Variants in ELFN1 observed in about 807,000 individuals in gnomAD.
The protein encoded by ELFN1 is protein ELFN1.
ELFN1 carries 6 observed loss-of-function variants against 7.6 expected under a neutral mutation model. The ratio of observed to expected loss-of-function variants is 0.79; its 90% CI spans 0.43 to 1.56. The LOEUF (loss-of-function observed/expected upper bound fraction) is 1.56, where lower values mean the gene tolerates loss of function less well. Ranked by LOEUF, ELFN1 falls within the 40% of genes most tolerant of loss-of-function variation. The pLI, the probability that ELFN1 is intolerant of heterozygous loss-of-function variation, is 0.01. For synonymous variants in ELFN1, 657 were observed against 588.1 expected, an observed-to-expected ratio of 1.12 and a Z score of -1.70; for missense variants, 1,169 against 1,232.2, an observed-to-expected ratio of 0.95 and a Z score of 0.77.
intron 1 of ELFN1, among the ~76,000 whole-genome samples, chr7:1,678,274 G>A (rs1778909742): frequency 6.6e-6 from 1 of 152,170 alleles, no homozygotes; most frequent in African/African-American, 2.4e-5. Context: ...AGTGCAGCCT[G>A]TGCCAACATG....
At chr7:1,718,776 G>A (rs1007222182) in intron 3 of ELFN1, among the ~76,000 whole-genome samples, 2 of 152,098 alleles carry the variant, frequency 1.3e-5, no homozygotes, top group Non-Finnish European at 2.9e-5. Context: ...CTCCCTGGCC[G>A]TGTTGGTTCA....
intron 1 of ELFN1, among the ~76,000 whole-genome samples, chr7:1,684,618 T>G (rs2128577824): frequency 6.6e-6 from 1 of 152,336 alleles, no homozygotes; most frequent in Admixed American, 6.5e-5. Context: ...TTTAAACTAA[T>G]TTTTAGAGTT....
chr7:1,689,885 A>G (rs1424845826), intron 2 of ELFN1, among the ~76,000 whole-genome samples: 1 of 152,164 alleles, frequency 6.6e-6, no homozygotes, highest in Non-Finnish European at 1.5e-5. Flanking sequence ...CTCTTCCCCA[A>G]GCAGTCAGGG....
chr7:1,706,079 C>G (rs1291664912), intron 2 of ELFN1, among the ~76,000 whole-genome samples: 1 of 152,204 alleles, frequency 6.6e-6, no homozygotes. Flanking sequence ...CTGGGTTCCT[C>G]CTCCGATCCA....
intron 3 of ELFN1, among the ~76,000 whole-genome samples, chr7:1,710,419 C>A (rs1779624989): frequency 6.6e-6 from 1 of 152,230 alleles, no homozygotes; most frequent in Non-Finnish European, 1.5e-5. Context: ...TCCCAAAGGA[C>A]CTCATTTCCC....
Position 1,746,056 on chromosome 7 carries a change from C to T in ELFN1, c.1460C>T (p.Pro487Leu), listed in dbSNP as rs556316889. The T allele has an allele frequency of 2.3e-4, 359 of 1,546,806 alleles. 2 individuals are homozygous for T. The South Asian group carries it at 3.0e-3, about 13-fold the overall frequency. ...GGCCTGGCCCCGCTGTCCCAGGGCC[C>T]GCTGCTGGGCCCCGAGGCCGTGACG... ...APGLAPLSQG[P>L]LLGPEAVTRI... The change falls in exon 4 of 4, where the codon CCG becomes CTG. Residue 487 changes from proline to leucine, a missense_variant. Physicochemically the swap from Pro to Leu is moderately conservative, Grantham distance 98. Around this residue, in one of 2 missense-constraint regions of ELFN1, gnomAD observed 914 missense variants for 872.6 expected, o/e 1.05. Coordinates refer to ENST00000424383, the MANE Select transcript of ELFN1 (RefSeq NM_001128636.4).
upstream of ELFN1, among the ~76,000 whole-genome samples, chr7:1,667,231 CG>C (rs931523653): frequency 1.1e-4 from 16 of 151,976 alleles, no homozygotes; most frequent in African/African-American, 3.6e-4. The surrounding 1 kb of genome is among the most constrained non-coding windows in gnomAD (Gnocchi z 8.2). Context: ...CCGAGTCCTC[CG>C]CCGCGGGCTG....
intron 1 of ELFN1, among the ~76,000 whole-genome samples, chr7:1,672,726 C>T (rs2128572991): frequency 6.6e-6 from 1 of 152,152 alleles, no homozygotes; most frequent in African/African-American, 2.4e-5. Flanking sequence ...ACCCCAGGAT[C>T]CCTTCCCCCC....
chr7:1,741,786 T>C (rs4720987), intron 3 of ELFN1, among the ~76,000 whole-genome samples: 149,889 of 152,238 alleles, frequency 0.98, 73,793 homozygotes, highest in East Asian at 1. Context: ...CGAGCTGCAC[T>C]ACCGAGGTGC....
In ELFN1 at chr7:1,735,086, C is replaced by G. The variant is rs1010867457; in HGVS notation, c.-293-9218C>G. Among the ~76,000 whole-genome samples, 1 of 152,154 alleles carries G rather than the reference C, an allele frequency of 6.6e-6. No homozygotes were observed. The highest frequency in any genetic ancestry group is 1.5e-5 in the Non-Finnish European group (1 of 68,016). On this transcript the variant is annotated intron_variant, in intron 3 of 3. Transcript: ENST00000424383. This position sits in a 1 kb window ranked among gnomAD's most constrained non-coding sequence, Gnocchi z 5.9. ...AGTCTCAACTTCCTGGCTAGACTTT[C>G]CCATGCTGAGCCTCTGTTTCCCCAT...
At chr7:1,737,779 G>A (rs966306279) in intron 3 of ELFN1, among the ~76,000 whole-genome samples, 3 of 152,156 alleles carry the variant, frequency 2.0e-5, no homozygotes, top group African/African-American at 7.2e-5. Flanking sequence ...GAGGCCACTG[G>A]TGGTTCCTGC....
Position 1,746,758 on chromosome 7 carries a change from C to T in ELFN1, c.2162C>T (p.Pro721Leu). The change falls in exon 4 of 4, where the codon CCA becomes CTA. Residue 721 changes from proline to leucine, a missense_variant. Transcript: ENST00000424383. ...HPAEPPAPPG[P>L]PPPPPHEGLG... ...GCCGAGCCACCTGCGCCCCCCGGGC[C>T]ACCGCCGCCGCCTCCGCACGAGGGC... is the stretch of plus-strand genomic sequence containing the variant. 1 of 1,503,410 alleles carries T rather than the reference C, an allele frequency of 6.7e-7. No individual in the cohort carries two copies. The highest frequency in any genetic ancestry group is 8.8e-7 in the Non-Finnish European group (1 of 1,132,914). 93.1% of individuals were successfully genotyped at this position (1,503,410 alleles called of 1,614,324 possible). A position where few individuals can be genotyped will look rare whatever the true frequency, so the allele number is the denominator to read the frequency against.
At chr7:1,678,133 C>T (rs1778907297) in intron 1 of ELFN1, among the ~76,000 whole-genome samples, 3 of 152,200 alleles carry the variant, frequency 2.0e-5, no homozygotes, top group African/African-American at 7.2e-5. Flanking sequence ...GAATGGGCAG[C>T]TCCCAGCCCT....
At chr7:1,713,657 T>C (rs2128589391) in intron 3 of ELFN1, among the ~76,000 whole-genome samples, 1 of 152,212 alleles carries the variant, frequency 6.6e-6, no homozygotes, top group African/African-American at 2.4e-5. Context: ...AGAGGCCTGT[T>C]GAAGGCAGCA....
intron 3 of ELFN1, among the ~76,000 whole-genome samples, chr7:1,733,481 C>A (rs1405502583): frequency 6.6e-6 from 1 of 151,994 alleles, no homozygotes; most frequent in Non-Finnish European, 1.5e-5. Flanking sequence ...TGTCAGCATC[C>A]CTGGGGTTAT....
At position 1,740,825 on chromosome 7, in the gene ELFN1, G is replaced by A. The variant is rs2128603402; in HGVS notation, c.-293-3479G>A. Among the ~76,000 whole-genome samples, 1 of 152,332 alleles carries A rather than the reference G, an allele frequency of 6.6e-6. No homozygotes were observed. Among genetic ancestry groups the A allele is most frequent in the East Asian group, 1.9e-4 (1 of 5,170 alleles). On this transcript the variant is annotated intron_variant, in intron 3 of 3. Coordinates refer to ENST00000424383, the MANE Select transcript of ELFN1 (RefSeq NM_001128636.4). The surrounding 1 kb of genome is among the most constrained non-coding windows in gnomAD (Gnocchi z 5.0). ...TTTCCCCGCTGTAAAGTGAGCTGCA[G>A]AATGAAAACTTCGGGGCCCCTTGGC...
Position 1,746,081 on chromosome 7 carries a change from G to T in ELFN1, c.1485G>T (p.Thr495=), listed in dbSNP as rs112880873. The T allele has an allele frequency of 3.2e-6, 5 of 1,547,108 alleles. No homozygotes were observed. Among genetic ancestry groups the T allele is most frequent in the African/African-American group, 2.7e-5 (2 of 72,948 alleles). The change falls in exon 4 of 4, where the codon ACG becomes ACT. Residue 495 remains threonine, a synonymous_variant. Transcript: ENST00000424383. ...CGCTGCTGGGCCCCGAGGCCGTGAC[G>T]CGCATCCCTTACCTGCCTGCGGCCG... ...QGPLLGPEAV[T]RIPYLPAAGE... is the part of the protein sequence containing the mutation.
intron 3 of ELFN1, among the ~76,000 whole-genome samples, chr7:1,718,059 C>T (rs1334977501): frequency 2.6e-5 from 4 of 152,220 alleles, no homozygotes; most frequent in Non-Finnish European, 4.4e-5. Flanking sequence ...GGCTCTGTCA[C>T]CATCACCTGC....
chr7:1,723,565 T>C (rs1270346798), intron 3 of ELFN1, among the ~76,000 whole-genome samples: 2 of 152,250 alleles, frequency 1.3e-5, no homozygotes, highest in African/African-American at 4.8e-5. Flanking sequence ...CACTCTCTCA[T>C]GGACATCTGG....
Sources: allele counts gnomAD v4.1 joint callset (sites outside exome capture counted in the v4.1 genomes callset), GRCh38; gene constraint gnomAD v4.1.1; regional missense constraint gnomAD v4.1.1; non-coding constraint Gnocchi (gnomAD v3.1); transcripts MANE v1.5; gene names NCBI Gene and HGNC (gene_info 2026-07-23, HGNC 2026-07-21).